Variants in PITPNM2 observed in about 807,000 individuals in gnomAD.
PITPNM2 encodes the protein membrane-associated phosphatidylinositol transfer protein 2.
PITPNM2 carries 35 observed loss-of-function variants against 132.2 expected under a neutral mutation model. The observed-to-expected ratio is 0.26, with a 90% CI of 0.20 to 0.35. The LOEUF (loss-of-function observed/expected upper bound fraction) is 0.35, where lower values mean the gene tolerates loss of function less well. Ranked by LOEUF, PITPNM2 falls within the 10% of genes least tolerant of loss-of-function variation. The pLI is 1.00. For synonymous variants in PITPNM2, 738 were observed against 799.2 expected, an observed-to-expected ratio of 0.92 and a Z score of 1.29; for missense variants, 1,332 against 1,912.0, an observed-to-expected ratio of 0.70 and a Z score of 5.66.
At chr12:123,144,091 G>C (rs529749532) in intron 1 of PITPNM2, among the ~76,000 whole-genome samples, 6 of 152,314 alleles carry the variant, frequency 3.9e-5, no homozygotes, top group Admixed American at 1.3e-4. Context: ...GTGCAAATTG[G>C]CAAAAAATTT....
chr12:123,096,290 A>ATT (rs2042408976), intron 2 of PITPNM2, among the ~76,000 whole-genome samples: 1 of 152,202 alleles, frequency 6.6e-6, no homozygotes, highest in South Asian at 2.1e-4. Flanking sequence ...TGCATGCCCC[A>ATT]GCTCTTGGCC....
intron 2 of PITPNM2, among the ~76,000 whole-genome samples, chr12:123,046,967 A>G (rs2040681809): frequency 6.6e-6 from 1 of 152,198 alleles, no homozygotes; most frequent in Non-Finnish European, 1.5e-5. Flanking sequence ...ACTTAAATCA[A>G]TTTATATACA....
chr12:123,112,693 A>G (rs925702358), intron 1 of PITPNM2, among the ~76,000 whole-genome samples: 5 of 151,836 alleles, frequency 3.3e-5, no homozygotes, highest in Admixed American at 6.6e-5. Context: ...GACTGCCACC[A>G]CGCCTGGCTA....
Position 123,023,387 on chromosome 12 carries a change from C to A in PITPNM2, c.79-9345G>T, listed in dbSNP as rs1320520748. Among the ~76,000 whole-genome samples, 1 of 152,190 alleles carries A rather than the reference C, an allele frequency of 6.6e-6. No individual in the cohort carries two copies. The highest frequency in any genetic ancestry group is 1.5e-5 in the Non-Finnish European group (1 of 68,034). On this transcript the variant is annotated intron_variant, in intron 3 of 25. Transcript: ENST00000320201. The surrounding 1 kb of genome is among the most constrained non-coding windows in gnomAD (Gnocchi z 4.8). ...AGCAGAAGGTGCACGTGACCAGAGC[C>A]ATCTCTAGAGAAGGCAAAAAATGGA...
intron 3 of PITPNM2, among the ~76,000 whole-genome samples, chr12:123,017,554 A>G (rs2039476741): frequency 6.6e-6 from 1 of 152,124 alleles, no homozygotes; most frequent in South Asian, 2.1e-4. Context: ...TCACAGAAAA[A>G]CCTGTACACC....
intron 1 of PITPNM2, among the ~76,000 whole-genome samples, chr12:123,120,744 G>C (rs1041139763): frequency 6.6e-6 from 1 of 152,180 alleles, no homozygotes; most frequent in Non-Finnish European, 1.5e-5. Context: ...CCTCCCTGCT[G>C]GTCAGACACC....
intron 3 of PITPNM2, among the ~76,000 whole-genome samples, chr12:123,033,350 C>A (rs941499224): frequency 6.6e-6 from 1 of 152,180 alleles, no homozygotes; most frequent in African/African-American, 2.4e-5. Context: ...TGGGATGGAA[C>A]CTCTACATAG....
At chr12:123,147,974 G>A (rs2043652459) in intron 1 of PITPNM2, among the ~76,000 whole-genome samples, 1 of 152,170 alleles carries the variant, frequency 6.6e-6, no homozygotes, top group Non-Finnish European at 1.5e-5. Context: ...CTAGTTTCCT[G>A]CGGGAAGGCA....
chr12:122,995,009 T>C (rs1433079141), intron 14 of PITPNM2, 30 bp from the exon 15 acceptor site: 2 of 1,557,220 alleles, frequency 1.3e-6, no homozygotes, highest in African/African-American at 1.4e-5. Context: ...TTAGCTGTCA[T>C]GTGGGTGCAG....
rs1443067854 is a variant in PITPNM2 at position 123,023,208 on chromosome 12, T to C, written c.79-9166A>G. Among the ~76,000 whole-genome samples, 3 of 152,178 alleles carry C rather than the reference T, an allele frequency of 2.0e-5. No homozygotes were observed. The highest frequency in any genetic ancestry group is 4.4e-5 in the Non-Finnish European group (3 of 68,040). Reference sequence around the variant, plus strand: ...AAATGTGTCTCCTGGACTTGGTGTATGGCGCAGGGAACTGAGGGCTGTGCT... The same window carrying C: ...AAATGTGTCTCCTGGACTTGGTGTACGGCGCAGGGAACTGAGGGCTGTGCT... On this transcript the variant is annotated intron_variant, in intron 3 of 25. Coordinates refer to ENST00000320201, the MANE Select transcript of PITPNM2 (RefSeq NM_020845.3). This position sits in a 1 kb window ranked among gnomAD's most constrained non-coding sequence, Gnocchi z 4.8.
intron 2 of PITPNM2, among the ~76,000 whole-genome samples, chr12:123,063,933 A>T (rs2041329853): frequency 6.6e-6 from 1 of 152,144 alleles, no homozygotes; most frequent in African/African-American, 2.4e-5. Context: ...TAGGGTAGTA[A>T]GGGGAATAAA....
At chr12:123,050,307 G>C (rs533817214) in intron 2 of PITPNM2, among the ~76,000 whole-genome samples, 6 of 152,278 alleles carry the variant, frequency 3.9e-5, no homozygotes, top group Admixed American at 3.3e-4. Context: ...ACTCAGTGCA[G>C]CTCAGTTTAT....
chr12:122,988,097 G>T, intron 20 of PITPNM2, 137 bp downstream of exon 20: 1 of 908,464 alleles, frequency 1.1e-6, no homozygotes, highest in Non-Finnish European at 1.7e-6. Context: ...CTGTGAAGTG[G>T]GCTGACAGCT....
At chr12:123,019,520 C>T (rs1301210144) in intron 3 of PITPNM2, among the ~76,000 whole-genome samples, 1 of 152,256 alleles carries the variant, frequency 6.6e-6, no homozygotes, top group Non-Finnish European at 1.5e-5. Flanking sequence ...CTCCCTGACA[C>T]AGCTCCAGCA....
In PITPNM2 at chr12:122,992,192, G is replaced by GGCTC. The variant is rs1480261295; in HGVS notation, c.2404+303_2404+306dup. Among the ~76,000 whole-genome samples, 1 of 152,176 alleles carries GGCTC rather than the reference G, an allele frequency of 6.6e-6. No individual in the cohort carries two copies. The highest frequency in any genetic ancestry group is 1.5e-5 in the Non-Finnish European group (1 of 68,032). On this transcript the variant is annotated intron_variant, in intron 16 of 25. Transcript: ENST00000320201. This position sits in a 1 kb window ranked among gnomAD's most constrained non-coding sequence, Gnocchi z 6.5. ...TTAGCTCTGTCTCTGTTGGGATGGA[G>GGCTC]GCTCAGCTGTGGAGAGGGGAGTCTG...
chr12:122,994,775 C>T lies in PITPNM2; in HGVS notation c.2233+26G>A, dbSNP rs1385384702. Reference sequence around the variant, plus strand: ...CCCCCGCACCCAGTGCATGTACCCCCCATCCTGCCCCTGCTGGGCTCTCAC... The same window carrying T: ...CCCCCGCACCCAGTGCATGTACCCCTCATCCTGCCCCTGCTGGGCTCTCAC... On this transcript the variant is annotated intron_variant, in intron 15 of 25. Coordinates refer to ENST00000320201, the MANE Select transcript of PITPNM2 (RefSeq NM_020845.3). The surrounding 1 kb of genome is among the most constrained non-coding windows in gnomAD (Gnocchi z 5.4). The T allele has an allele frequency of 1.3e-6, 2 of 1,598,838 alleles. No individual in the cohort carries two copies. Among genetic ancestry groups the T allele is most frequent in the Non-Finnish European group, 1.7e-6 (2 of 1,175,106 alleles).
chr12:123,084,803 T>A lies in PITPNM2; in HGVS notation c.-96+25582A>T, dbSNP rs189469350. ...AAGAAGAAGAAAATGTTTTCTTAAA[T>A]GGATTACCAGCCCTGTGCTTTCAGA... On this transcript the variant is annotated intron_variant, in intron 2 of 25. Transcript: ENST00000320201. The A allele has an allele frequency of 3.0e-4, 45 of 152,354 alleles. 1 individual carries two copies. Among genetic ancestry groups the A allele is most frequent in the Admixed American group, 2.7e-3 (41 of 15,308 alleles). The allele number at this position is 152,354 out of a possible 1,614,324, so 9.4% of individuals were successfully genotyped here.
chr12:123,123,890 C>T (rs993400729), intron 1 of PITPNM2, among the ~76,000 whole-genome samples: 8 of 147,950 alleles, frequency 5.4e-5, no homozygotes, highest in Admixed American at 4.1e-4. Flanking sequence ...GAGTGGAGAT[C>T]GCACCACCGC....
Position 123,009,504 on chromosome 12 carries a change from G to T in PITPNM2, c.643+346C>A, listed in dbSNP as rs1169493351. ...CCCAGAGGCCCAGATGAGCAGCAGG[G>T]AACCTGTCCCCAGGGGCTACTCAGA... On this transcript the variant is annotated intron_variant, in intron 6 of 25. Coordinates refer to ENST00000320201, the MANE Select transcript of PITPNM2 (RefSeq NM_020845.3). This position sits in a 1 kb window ranked among gnomAD's most constrained non-coding sequence, Gnocchi z 4.8. Among the ~76,000 whole-genome samples, 1 of 152,076 alleles carries T rather than the reference G, an allele frequency of 6.6e-6. No individual in the cohort carries two copies. The highest frequency in any genetic ancestry group is 6.5e-5 in the Admixed American group (1 of 15,268).
Sources: allele counts gnomAD v4.1 joint callset (sites outside exome capture counted in the v4.1 genomes callset), GRCh38; gene constraint gnomAD v4.1.1; non-coding constraint Gnocchi (gnomAD v3.1); transcripts MANE v1.5; gene names NCBI Gene and HGNC (gene_info 2026-07-23, HGNC 2026-07-21).